Variants in NRXN3 observed in about 807,000 individuals in gnomAD.
NRXN3 encodes the protein neurexin III.
Under a neutral mutation model 137.6 loss-of-function variants are expected in NRXN3, and 32 were observed. The observed-to-expected ratio is 0.23, with a 90% CI of 0.18 to 0.31. The LOEUF is 0.31. Ranked by LOEUF, NRXN3 falls within the 10% of genes least tolerant of loss-of-function variation. NRXN3 has a pLI of 1.00. For missense variants in NRXN3, 1,574 were observed against 2,062.5 expected (o/e 0.76, Z 4.59); for synonymous variants, 798 against 784.5 (o/e 1.02, Z -0.29).
intron 15 of NRXN3, among the ~76,000 whole-genome samples, chr14:79,345,477 A>C (rs1398010717): frequency 6.6e-6 from 1 of 152,184 alleles, no homozygotes; most frequent in Non-Finnish European, 1.5e-5. Context: ...GAGAAAAGCC[A>C]GACTAATAAG....
intron 15 of NRXN3, among the ~76,000 whole-genome samples, chr14:79,353,073 A>G (rs1187957868): frequency 6.6e-6 from 1 of 152,130 alleles, no homozygotes; most frequent in African/African-American, 2.4e-5. Flanking sequence ...TTTGGTAAGT[A>G]GTAAGTAAAA....
intron 4 of NRXN3, among the ~76,000 whole-genome samples, chr14:78,450,917 G>A (rs1325062245): frequency 6.6e-6 from 1 of 152,102 alleles, no homozygotes; most frequent in African/African-American, 2.4e-5. Flanking sequence ...TTTGGGGTGT[G>A]TGTGTGTGTG....
chr14:79,447,429 C>A (rs1399035671), intron 15 of NRXN3, among the ~76,000 whole-genome samples: 1 of 152,150 alleles, frequency 6.6e-6, no homozygotes, highest in Non-Finnish European at 1.5e-5. Context: ...AAAAAGGTAG[C>A]AGCAATTTGC....
At chr14:79,274,101 CA>C (rs569693397) in intron 15 of NRXN3, among the ~76,000 whole-genome samples, 1,347 of 74,260 alleles carry the variant, frequency 0.018, 8 homozygotes, top group Non-Finnish European at 0.022. Context: ...GACTCCGTCT[CA>C]AAAAAAAAAA....
At chr14:79,718,721 A>G (rs2098831995) in intron 19 of NRXN3, among the ~76,000 whole-genome samples, 1 of 152,148 alleles carries the variant, frequency 6.6e-6, no homozygotes, top group Admixed American at 6.5e-5. Context: ...ATTAACCATA[A>G]TTTCCAAATC....
chr14:79,514,307 C>T (rs139060044), intron 16 of NRXN3, among the ~76,000 whole-genome samples: 1 of 151,578 alleles, frequency 6.6e-6, no homozygotes, highest in African/African-American at 2.4e-5. Flanking sequence ...GAGTTCAGTA[C>T]TGGCCTAAAA....
intron 20 of NRXN3, among the ~76,000 whole-genome samples, chr14:79,813,529 TGA>T (rs1191698091): frequency 1.3e-5 from 2 of 152,198 alleles, no homozygotes; most frequent in African/African-American, 4.8e-5. Context: ...TTTCAAATAC[TGA>T]GAGATATATA....
intron 16 of NRXN3, among the ~76,000 whole-genome samples, chr14:79,555,261 G>C (rs2097417938): frequency 6.6e-6 from 1 of 152,166 alleles, no homozygotes; most frequent in Non-Finnish European, 1.5e-5. Flanking sequence ...AGATCACCTG[G>C]ATGAGATAGC....
At chr14:79,051,625 G>A (rs903518734) in intron 15 of NRXN3, among the ~76,000 whole-genome samples, 2 of 152,188 alleles carry the variant, frequency 1.3e-5, no homozygotes, top group African/African-American at 4.8e-5. Flanking sequence ...GATATAAACG[G>A]CCTTCATTTT....
chr14:79,702,857 C>T (rs2098760151), intron 19 of NRXN3, among the ~76,000 whole-genome samples: 1 of 121,694 alleles, frequency 8.2e-6, no homozygotes, highest in Non-Finnish European at 1.7e-5. Flanking sequence ...CGTTGGTCTT[C>T]CTTCAGGATA....
At position 78,243,362 on chromosome 14, in the gene NRXN3, G is replaced by T; in HGVS notation, c.269G>T (p.Ser90Ile). ...LVDGRVQLRF[S>I]MDCAETAVLS... ...GATGGCCGCGTTCAGCTCCGCTTCA[G>T]CATGGACTGTGCCGAGACTGCCGTG... The change falls in exon 2 of 21, where the codon AGC (serine) becomes ATC (isoleucine). Residue 90 changes from serine (S) to isoleucine (I), a missense_variant. Transcript: ENST00000335750. The surrounding 1 kb of genome is among the most constrained non-coding windows in gnomAD (Gnocchi z 4.2). 1 of 1,563,506 alleles carries T rather than the reference G, an allele frequency of 6.4e-7. No homozygotes were observed.
chr14:78,214,993 G>A (rs1441490441), intron 1 of NRXN3, among the ~76,000 whole-genome samples: 2 of 152,156 alleles, frequency 1.3e-5, no homozygotes, highest in Non-Finnish European at 2.9e-5. Context: ...TGTAAAATGG[G>A]GGTGGTCATG....
chr14:78,612,976 T>G (rs1380523772), intron 4 of NRXN3, among the ~76,000 whole-genome samples: 2 of 152,222 alleles, frequency 1.3e-5, no homozygotes, highest in African/African-American at 2.4e-5. Flanking sequence ...GAAATGAACC[T>G]TAGTGTCATA....
At chr14:79,634,710 CT>C (rs1268339732) in intron 16 of NRXN3, among the ~76,000 whole-genome samples, 1 of 152,194 alleles carries the variant, frequency 6.6e-6, no homozygotes, top group Non-Finnish European at 1.5e-5. Context: ...CAACTATGCT[CT>C]TTCCTCTTTC....
At chr14:78,996,849 C>T (rs762047568) in intron 15 of NRXN3, among the ~76,000 whole-genome samples, 1 of 152,016 alleles carries the variant, frequency 6.6e-6, no homozygotes, top group Non-Finnish European at 1.5e-5. Context: ...TATTCTCGGG[C>T]CCACAGATAT....
intron 4 of NRXN3, among the ~76,000 whole-genome samples, chr14:78,345,808 G>C (rs2082667145): frequency 6.6e-6 from 1 of 152,140 alleles, no homozygotes; most frequent in Admixed American, 6.5e-5. Flanking sequence ...GCTGCCACTT[G>C]TTGCAAAAAA....
intron 19 of NRXN3, among the ~76,000 whole-genome samples, chr14:79,791,873 A>G (rs1459984744): frequency 4.6e-5 from 7 of 152,208 alleles, no homozygotes; most frequent in African/African-American, 1.4e-4. Flanking sequence ...GGCCGGTCAC[A>G]TTGCCAGCTC....
chr14:79,108,390 C>A (rs910205873), intron 15 of NRXN3, among the ~76,000 whole-genome samples: 3 of 152,084 alleles, frequency 2.0e-5, no homozygotes, highest in Non-Finnish European at 4.4e-5. Context: ...AGTTTTGGCA[C>A]ACACACAAAA....
At chr14:79,271,284 T>C (rs752424562) in intron 15 of NRXN3, among the ~76,000 whole-genome samples, 1 of 152,184 alleles carries the variant, frequency 6.6e-6, no homozygotes, top group Non-Finnish European at 1.5e-5. Context: ...ATATGGTCTT[T>C]ATTTGACATT....
Sources: allele counts gnomAD v4.1 joint callset (sites outside exome capture counted in the v4.1 genomes callset), GRCh38; gene constraint gnomAD v4.1.1; non-coding constraint Gnocchi (gnomAD v3.1); transcripts MANE v1.5; gene names NCBI Gene and HGNC (gene_info 2026-07-23, HGNC 2026-07-21).